Variants in RBFOX1 observed in about 807,000 individuals in gnomAD.
The protein encoded by RBFOX1 is RNA binding protein fox-1 homolog 1.
Under a neutral mutation model 57.7 loss-of-function variants are expected in RBFOX1, and 8 were observed. The ratio of observed to expected loss-of-function variants is 0.14; its 90% CI spans 0.08 to 0.25. The LOEUF is 0.25. Ranked by LOEUF, RBFOX1 falls within the 10% of genes least tolerant of loss-of-function variation. RBFOX1 has a pLI of 1.00. For missense variants in RBFOX1, 611 were observed against 548.5 expected (o/e 1.11, Z -1.14); for synonymous variants, 326 against 222.4 (o/e 1.47, Z -4.15).
chr16:6,809,013 C>G (rs370154816), intron 3 of RBFOX1, among the ~76,000 whole-genome samples: 16 of 152,324 alleles, frequency 1.1e-4, no homozygotes, highest in African/African-American at 3.1e-4. Flanking sequence ...GAAAACCTGA[C>G]TTAGGAGTAT....
At chr16:5,754,443 G>C (rs886674093) in intron 3 of RBFOX1, among the ~76,000 whole-genome samples, 10 of 151,328 alleles carry the variant, frequency 6.6e-5, no homozygotes, top group Non-Finnish European at 1.3e-4. Context: ...GGTGGGACGA[G>C]AGATTTGGAA....
intron 4 of RBFOX1, among the ~76,000 whole-genome samples, chr16:7,268,769 C>G (rs1235051385): frequency 6.6e-6 from 1 of 152,102 alleles, no homozygotes; most frequent in Non-Finnish European, 1.5e-5. Context: ...CACAGTGGCT[C>G]ACGCCTGTAA....
chr16:5,319,410 C>T (rs561970903), intron 1 of RBFOX1, among the ~76,000 whole-genome samples: 2 of 152,286 alleles, frequency 1.3e-5, no homozygotes, highest in East Asian at 1.9e-4. Flanking sequence ...ACTGTCTGCC[C>T]TCCCACTGGT....
At chr16:5,848,231 C>T (rs1427258733) in intron 3 of RBFOX1, among the ~76,000 whole-genome samples, 1 of 152,060 alleles carries the variant, frequency 6.6e-6, no homozygotes, top group Admixed American at 6.6e-5. Context: ...CTTATCCAGC[C>T]CACCACCACT....
At chr16:6,534,259 G>GTC (rs774116587) in intron 2 of RBFOX1, among the ~76,000 whole-genome samples, 3 of 149,224 alleles carry the variant, frequency 2.0e-5, no homozygotes, top group African/African-American at 7.4e-5. Context: ...CAGTGTGTAT[G>GTC]TGTGTGTGTG....
intron 3 of RBFOX1, among the ~76,000 whole-genome samples, chr16:6,978,094 A>G (rs1227708339): frequency 7.1e-6 from 1 of 139,908 alleles, no homozygotes; most frequent in African/African-American, 2.7e-5. Flanking sequence ...GGTGTCAATT[A>G]CAGCTGACTT....
intron 4 of RBFOX1, among the ~76,000 whole-genome samples, chr16:5,907,479 A>G (rs2058488753): frequency 6.6e-6 from 1 of 152,110 alleles, no homozygotes; most frequent in African/African-American, 2.4e-5. Context: ...TGTGATCCAC[A>G]TCTGTCTCCT....
chr16:6,234,275 A>C (rs1018119459), intron 1 of RBFOX1, among the ~76,000 whole-genome samples: 1 of 152,150 alleles, frequency 6.6e-6, no homozygotes, highest in Non-Finnish European at 1.5e-5. Context: ...ACAGAAGCTA[A>C]ATTTCCCCTG....
At chr16:5,593,561 G>T (rs1398608417) in intron 2 of RBFOX1, among the ~76,000 whole-genome samples, 1 of 152,204 alleles carries the variant, frequency 6.6e-6, no homozygotes, top group Admixed American at 6.5e-5. Flanking sequence ...CCAAAACCAA[G>T]ATGGTGATGA....
At chr16:5,288,762 C>G (rs1352282071) in intron 1 of RBFOX1, among the ~76,000 whole-genome samples, 2 of 151,972 alleles carry the variant, frequency 1.3e-5, no homozygotes, top group Non-Finnish European at 2.9e-5. Context: ...GGGGGCAAGT[C>G]TTCCTTATGC....
chr16:6,977,136 T>A (rs1285750373), intron 3 of RBFOX1, among the ~76,000 whole-genome samples: 5 of 136,500 alleles, frequency 3.7e-5, no homozygotes, highest in African/African-American at 1.1e-4. Context: ...ATATATGATA[T>A]ATATTATATA....
At chr16:6,340,260 A>G (rs2084363538) in intron 2 of RBFOX1, among the ~76,000 whole-genome samples, 1 of 152,152 alleles carries the variant, frequency 6.6e-6, no homozygotes, top group South Asian at 2.1e-4. Context: ...GACAGGAAGT[A>G]TAGGGGTTGG....
chr16:7,674,070 TTGTA>T (rs1272315410), intron 13 of RBFOX1, among the ~76,000 whole-genome samples: 1 of 152,232 alleles, frequency 6.6e-6, no homozygotes, highest in African/African-American at 2.4e-5. Context: ...ATTTGTATTT[TTGTA>T]TGTAAAGCAA....
At chr16:6,565,570 C>T (rs1450824769) in intron 2 of RBFOX1, among the ~76,000 whole-genome samples, 4 of 141,142 alleles carry the variant, frequency 2.8e-5, no homozygotes, top group Non-Finnish European at 4.6e-5. Context: ...AGATTCAAGC[C>T]GATTCTCCTG....
At chr16:6,586,955 G>A (rs1600692855) in intron 2 of RBFOX1, among the ~76,000 whole-genome samples, 2 of 152,140 alleles carry the variant, frequency 1.3e-5, no homozygotes, top group East Asian at 3.9e-4. Context: ...ATTGTGGAAT[G>A]CTTAAATTGG....
chr16:6,530,068 C>G (rs1288202460), intron 2 of RBFOX1, among the ~76,000 whole-genome samples: 1 of 152,124 alleles, frequency 6.6e-6, no homozygotes, highest in Non-Finnish European at 1.5e-5. Context: ...TTTAAAGTTT[C>G]TTTTCTTCCC....
In RBFOX1 at chr16:5,265,486, T is replaced by C. The variant is rs1211032048; in HGVS notation, c.219+25381T>C. The stretch of plus-strand genomic sequence containing the variant: ...ACCTTAATCATGAGAACCCAGAGAA[T>C]TGGATTTAGTGTGACTGATTCCCAA... On this transcript the variant is annotated intron_variant, in intron 1 of 2. Transcript: ENST00000585867. Among the ~76,000 whole-genome samples, 6 of 152,292 alleles carry C rather than the reference T, an allele frequency of 3.9e-5. 1 individual carries two copies. The highest frequency in any genetic ancestry group is 2.9e-5 in the Non-Finnish European group (2 of 68,020).
At chr16:7,072,664 T>C (rs1478621638) in intron 4 of RBFOX1, among the ~76,000 whole-genome samples, 1 of 152,204 alleles carries the variant, frequency 6.6e-6, no homozygotes, top group Non-Finnish European at 1.5e-5. Flanking sequence ...GGATCTTCTG[T>C]TTTTTGCCAT....
Position 7,335,419 on chromosome 16 carries a change from T to C in RBFOX1, c.28-182728T>C, listed in dbSNP as rs113398087. ...GTGACTGGAGATGTTGAAACAGAGT[T>C]CATAGTGTCCACTTGGAAGGATTGT... On this transcript the variant is annotated intron_variant, in intron 4 of 15. Transcript: ENST00000550418. 2.3e-3 allele frequency among the ~76,000 whole-genome samples: 356 copies of C among 152,272 alleles called. 3 individuals are homozygous for C. The highest frequency in any genetic ancestry group is 7.8e-3 in the African/African-American group (324 of 41,568).
Sources: gnomAD v4.1 joint callset for allele counts (sites outside exome capture counted in the v4.1 genomes callset) on GRCh38, gnomAD v4.1.1 for gene constraint, MANE v1.5 for transcripts, NCBI Gene and HGNC (gene_info 2026-07-23, HGNC 2026-07-21) for gene names.